CASD1: variants seen among roughly 807,000 people sequenced by gnomAD.
CASD1 encodes N-acetylneuraminate (7)9-O-acetyltransferase.
Under a neutral mutation model 100.0 loss-of-function variants are expected in CASD1, and 41 were observed. The observed-to-expected ratio is 0.41, with a 90% CI of 0.32 to 0.53. The LOEUF is 0.53. CASD1 is among the 20% of genes least tolerant of loss of function. The pLI, the probability that CASD1 is intolerant of heterozygous loss-of-function variation, is 0.25. For missense variants in CASD1, 774 were observed against 948.7 expected, an observed-to-expected ratio of 0.82 and a Z score of 2.42; for synonymous variants, 321 against 315.6, an observed-to-expected ratio of 1.02 and a Z score of -0.18.
At chr7:94,568,782 C>A in the CASD1 span, among the ~76,000 whole-genome samples, 2 of 152,176 alleles carry the variant, frequency 1.3e-5, no homozygotes, top group African/African-American at 4.8e-5. Flanking sequence ...ATAAAAGAAG[C>A]CCCAGAGAGT....
the CASD1 span, chr7:94,603,309 T>G: frequency 6.2e-7 from 1 of 1,612,302 alleles, no homozygotes; most frequent in Non-Finnish European, 8.5e-7. Context: ...TTTGCACCAG[T>G]CAATGTAAAA....
intron 3 of CASD1, among the ~76,000 whole-genome samples, chr7:94,522,253 GA>G (rs1794318584): frequency 6.6e-6 from 1 of 152,062 alleles, no homozygotes; most frequent in East Asian, 1.9e-4. Flanking sequence ...AATTAAAAAT[GA>G]AAAAGGATTC....
In CASD1 at chr7:94,509,892, G is replaced by A; in HGVS notation, c.-193G>A. ...GGGGGGAGGCCGCCGAGTCGGCCGC[G>A]GCCGAGGAGGGGCAGGCGGAGGTCG... On this transcript the variant is annotated 5_prime_UTR_variant, in exon 1 of 18. Coordinates refer to ENST00000297273, the MANE Select transcript of CASD1 (RefSeq NM_022900.5). 1 of 1,066,386 alleles carries A rather than the reference G, an allele frequency of 9.4e-7. No homozygotes were observed. The highest frequency in any genetic ancestry group is 1.1e-6 in the Non-Finnish European group (1 of 882,132). The allele number at this position is 1,066,386 out of a possible 1,614,324, so 66.1% of individuals were successfully genotyped here.
chr7:94,628,223 C>G, the CASD1 span: 974 of 1,611,698 alleles, frequency 6.0e-4, 5 homozygotes, highest in African/African-American at 0.012. Flanking sequence ...TTGGCTTCCC[C>G]ACATTTTCAG....
chr7:94,540,319 T>C (rs914545718), intron 10 of CASD1, among the ~76,000 whole-genome samples: 1 of 152,206 alleles, frequency 6.6e-6, no homozygotes, highest in African/African-American at 2.4e-5. Context: ...CAATGATAAG[T>C]TGAAGTTAGA....
the CASD1 span, chr7:94,626,331 T>C: frequency 6.6e-6 from 1 of 152,096 alleles, no homozygotes; most frequent in Non-Finnish European, 1.5e-5. Context: ...AGGTCTTACT[T>C]AACAAATCCT....
intron 3 of CASD1, among the ~76,000 whole-genome samples, chr7:94,519,205 T>A (rs1794127687): frequency 6.6e-6 from 1 of 152,196 alleles, no homozygotes. Context: ...ATATATTAAT[T>A]AATTAGTTCA....
chr7:94,567,962 G>C, the CASD1 span, among the ~76,000 whole-genome samples: 1 of 152,026 alleles, frequency 6.6e-6, no homozygotes, highest in Non-Finnish European at 1.5e-5. Flanking sequence ...AACGTATAAA[G>C]TTCATATGAT....
chr7:94,599,904 G>A, the CASD1 span: 1 of 486,714 alleles, frequency 2.1e-6, no homozygotes, highest in Non-Finnish European at 3.6e-6. Flanking sequence ...TACAGCGATG[G>A]AATACTGATG....
chr7:94,618,760 C>T, the CASD1 span: 2 of 1,612,976 alleles, frequency 1.2e-6, no homozygotes, highest in South Asian at 2.2e-5. Context: ...CTGCTTACCC[C>T]TCCTTCAGGT....
In CASD1 at chr7:94,509,919, G is replaced by A; in HGVS notation, c.-166G>A. 1 of 1,138,360 alleles carries A rather than the reference G, an allele frequency of 8.8e-7. No homozygotes were observed. Among genetic ancestry groups the A allele is most frequent in the Non-Finnish European group, 1.1e-6 (1 of 924,828 alleles). The allele number at this position is 1,138,360 out of a possible 1,614,324, so 70.5% of individuals were successfully genotyped here. A position where few individuals can be genotyped will look rare whatever the true frequency, so the allele number is the denominator to read the frequency against. ...CCGAGGAGGGGCAGGCGGAGGTCGG[G>A]GGCGCCGCGGCCGCGGGGTCAGGTT... On this transcript the variant is annotated 5_prime_UTR_variant, in exon 1 of 18. Transcript: ENST00000297273.
intron 3 of CASD1, among the ~76,000 whole-genome samples, chr7:94,521,544 A>T (rs369549615): frequency 5.9e-5 from 9 of 152,174 alleles, no homozygotes; most frequent in African/African-American, 2.2e-4. Context: ...GCACAGTGAA[A>T]CTTCAAGAAT....
At chr7:94,563,599 CTG>C in the CASD1 span, among the ~76,000 whole-genome samples, 13,309 of 152,098 alleles carry the variant, frequency 0.088, 679 homozygotes, top group East Asian at 0.16. Flanking sequence ...TCTGTTTTGA[CTG>C]TTATTTCTTA....
chr7:94,568,569 T>C, the CASD1 span, among the ~76,000 whole-genome samples: 1 of 152,162 alleles, frequency 6.6e-6, no homozygotes, highest in Non-Finnish European at 1.5e-5. Flanking sequence ...GACAAAAGGC[T>C]AATCTCCCCA....
At chr7:94,540,663 C>G (rs1490070057) in intron 10 of CASD1, among the ~76,000 whole-genome samples, 2 of 152,078 alleles carry the variant, frequency 1.3e-5, no homozygotes, top group South Asian at 2.1e-4. Flanking sequence ...TGATCCAAGG[C>G]AAGGAGAGAT....
intron 3 of CASD1, 58 bp from the exon 4 acceptor site, chr7:94,527,104 C>T: frequency 7.8e-7 from 1 of 1,283,376 alleles, no homozygotes; most frequent in Non-Finnish European, 1.1e-6. Flanking sequence ...CTAAATGGGG[C>T]ATTTTTTATA....
Position 94,545,706 on chromosome 7 carries a change from A to T in CASD1, c.1633+5A>T. ...TAATCCAAAAAAAAGCAAACGGTAA[A>T]TATACTTTCTTACTAATGTTAGTAA... On this transcript the variant is annotated splice_donor_5th_base_variant and intron_variant, in intron 12 of 17. Coordinates refer to ENST00000297273, the MANE Select transcript of CASD1 (RefSeq NM_022900.5). The T allele has an allele frequency of 1.3e-6, 2 of 1,560,140 alleles. No homozygotes were observed. Among genetic ancestry groups the T allele is most frequent in the South Asian group, 2.4e-5 (2 of 83,752 alleles).
At chr7:94,539,122 G>A in intron 10 of CASD1, 66 bp downstream of exon 10, 1 of 894,528 alleles carries the variant, frequency 1.1e-6, no homozygotes, top group Non-Finnish European at 1.8e-6. Context: ...TTCTTTAAGG[G>A]CACCAGCTTT....
the CASD1 span, chr7:94,603,423 G>A: frequency 5.6e-5 from 91 of 1,613,008 alleles, no homozygotes; most frequent in Non-Finnish European, 6.8e-5. Context: ...AGAAGAAAAC[G>A]GGACATCTGC....
Sources: allele counts gnomAD v4.1 joint callset (sites outside exome capture counted in the v4.1 genomes callset), GRCh38; gene constraint gnomAD v4.1.1; transcripts MANE v1.5; gene names NCBI Gene and HGNC (gene_info 2026-07-23, HGNC 2026-07-21).